Variants in TMEM131 observed in about 807,000 individuals in gnomAD.
TMEM131 encodes 2610524E03Rik.
TMEM131 carries 66 observed loss-of-function variants against 211.6 expected under a neutral mutation model. The observed-to-expected ratio is 0.31, with a 90% CI of 0.26 to 0.38. TMEM131 has a LOEUF of 0.38. TMEM131 is among the 10% of genes least tolerant of loss of function. TMEM131 has a pLI of 1.00. For synonymous variants in TMEM131, 844 were observed against 841.3 expected, an observed-to-expected ratio of 1.00 and a Z score of -0.06; for missense variants, 2,036 against 2,299.3, an observed-to-expected ratio of 0.89 and a Z score of 2.34.
chr2:97,867,600 T>C (rs1174128073), intron 4 of TMEM131, among the ~76,000 whole-genome samples: 1 of 152,084 alleles, frequency 6.6e-6, no homozygotes, highest in South Asian at 2.1e-4. Flanking sequence ...ATCCTACTAG[T>C]GAGGTGAGCA....
chr2:97,971,492 T>C (rs1679293092), intron 1 of TMEM131, among the ~76,000 whole-genome samples: 1 of 152,248 alleles, frequency 6.6e-6, no homozygotes, highest in African/African-American at 2.4e-5. Flanking sequence ...AAAGTTTCTA[T>C]ACGTTGCCAA....
At chr2:97,797,608 T>C in intron 25 of TMEM131, 92 bp from the exon 26 acceptor site, 1 of 1,135,518 alleles carries the variant, frequency 8.8e-7, no homozygotes, top group African/African-American at 1.6e-5. Context: ...CCAGTATAGT[T>C]TCTCAAACTG....
chr2:97,847,812 C>T (rs1683520836), intron 5 of TMEM131, among the ~76,000 whole-genome samples: 1 of 152,070 alleles, frequency 6.6e-6, no homozygotes, highest in East Asian at 1.9e-4. Flanking sequence ...AAGATGTTAA[C>T]ATCAGAAGAA....
chr2:97,827,206 G>A (rs1412544302), intron 11 of TMEM131: 40 of 704,854 alleles, frequency 5.7e-5, no homozygotes, highest in South Asian at 3.2e-4. Flanking sequence ...TTGGCGCGCC[G>A]CGGCCCGCAG....
chr2:97,822,416 C>G (rs949198762), intron 11 of TMEM131, among the ~76,000 whole-genome samples: 1 of 152,194 alleles, frequency 6.6e-6, no homozygotes, highest in Non-Finnish European at 1.5e-5. Flanking sequence ...CTCTTCCAAC[C>G]CTGGAGATCC....
chr2:97,781,607 T>C (rs745470353), intron 31 of TMEM131, among the ~76,000 whole-genome samples: 2 of 152,204 alleles, frequency 1.3e-5, no homozygotes, highest in Non-Finnish European at 2.9e-5. Context: ...ACAAAACACC[T>C]GGAGACTTAC....
chr2:97,881,726 G>T (rs961620999), intron 4 of TMEM131, among the ~76,000 whole-genome samples: 1 of 135,388 alleles, frequency 7.4e-6, no homozygotes, highest in African/African-American at 2.7e-5. Context: ...AAAAAAAAGG[G>T]GGGGGGGCGG....
chr2:97,959,558 CGT>C lies in TMEM131; in HGVS notation c.188-32073_188-32072del, dbSNP rs34560570. Among the ~76,000 whole-genome samples the C allele has an allele frequency of 4.5e-4, 68 of 150,006 alleles. 1 individual carries two copies. The highest frequency in any genetic ancestry group is 1.4e-3 in the African/African-American group (58 of 40,906). ...TGAGAAAAAAATATATATATGTCTG[CGT>C]GTGTGTGTGTGTGTGTATCTATATA... On this transcript the variant is annotated intron_variant, in intron 1 of 40. Transcript: ENST00000186436.
intron 5 of TMEM131, among the ~76,000 whole-genome samples, chr2:97,853,734 T>A (rs970355657): frequency 7.2e-5 from 11 of 151,892 alleles, no homozygotes; most frequent in African/African-American, 2.7e-4. Flanking sequence ...AAGACTTCAG[T>A]GGAGAAGTCA....
chr2:97,770,790 T>G (rs1679431828), intron 33 of TMEM131, among the ~76,000 whole-genome samples: 1 of 152,218 alleles, frequency 6.6e-6, no homozygotes, highest in African/African-American at 2.4e-5. Context: ...AAGATAATTC[T>G]TAGATGCACT....
At chr2:97,910,949 AT>A (rs1245350413) in intron 2 of TMEM131, among the ~76,000 whole-genome samples, 4 of 152,128 alleles carry the variant, frequency 2.6e-5, no homozygotes, top group Non-Finnish European at 5.9e-5. Flanking sequence ...AAACAAAAGC[AT>A]TTGTCCGTAC....
chr2:97,960,849 T>C (rs529038548), intron 1 of TMEM131, among the ~76,000 whole-genome samples: 3 of 152,224 alleles, frequency 2.0e-5, no homozygotes, highest in Non-Finnish European at 2.9e-5. Context: ...ACAGAGTTAA[T>C]ACCAGAAAAG....
At chr2:97,857,330 C>G (rs1559405153) in intron 5 of TMEM131, among the ~76,000 whole-genome samples, 8 of 152,170 alleles carry the variant, frequency 5.3e-5, no homozygotes. Flanking sequence ...AGGACACCCC[C>G]ACATCCCACT....
At chr2:97,912,722 C>T (rs1031952465) in intron 2 of TMEM131, among the ~76,000 whole-genome samples, 2 of 152,210 alleles carry the variant, frequency 1.3e-5, no homozygotes, top group South Asian at 2.1e-4. Context: ...TTTGGTCTTT[C>T]GGTACCTTCC....
chr2:97,792,394 T>G lies in TMEM131; in HGVS notation c.4136A>C (p.Lys1379Thr), dbSNP rs748727357. 1.5e-5 allele frequency: 24 copies of G among 1,570,218 alleles called. No individual in the cohort carries two copies. Among genetic ancestry groups the G allele is most frequent in the Non-Finnish European group, 2.1e-5 (24 of 1,156,216 alleles). ...CAGTGGGAGATGATTACCTTTGCTT[T>G]TTGGCAATGGCGATGGAGGCTGCTC... Reference protein sequence around the residue: ...FTEQPPSPLPKSKGKGKPLQR... With the variant: ...FTEQPPSPLPTSKGKGKPLQR... Residue 1379 changes from lysine to threonine, a missense_variant, in exon 31 of 41, where the codon AAA becomes ACA. Lys to Thr is a moderately conservative substitution (Grantham distance 78). Around this residue, in one of 3 missense-constraint regions of TMEM131, gnomAD observed 1,623 missense variants for 1,805.9 expected, o/e 0.90. Transcript: ENST00000186436.
intron 2 of TMEM131, 51 bp downstream of exon 2, chr2:97,927,375 C>T: frequency 1.5e-6 from 2 of 1,324,166 alleles, no homozygotes; most frequent in Middle Eastern, 1.9e-4. Context: ...AAATAATAAC[C>T]AGATATTATT....
chr2:97,953,364 A>T (rs1294966488), intron 1 of TMEM131, among the ~76,000 whole-genome samples: 1 of 152,234 alleles, frequency 6.6e-6, no homozygotes, highest in African/African-American at 2.4e-5. Flanking sequence ...TCATGCTAAC[A>T]TTATTTTTTA....
chr2:97,807,589 C>T (rs1389445943), intron 19 of TMEM131, among the ~76,000 whole-genome samples: 2 of 152,190 alleles, frequency 1.3e-5, no homozygotes, highest in African/African-American at 4.8e-5. Context: ...CCAAATACAC[C>T]TCTTTTTTAA....
intron 1 of TMEM131, among the ~76,000 whole-genome samples, chr2:97,940,968 T>A (rs1030986458): frequency 3.3e-5 from 5 of 152,010 alleles, no homozygotes; most frequent in African/African-American, 1.2e-4. Flanking sequence ...GATTGGAAAA[T>A]ACTACTTTAA....
Sources: allele counts gnomAD v4.1 joint callset (sites outside exome capture counted in the v4.1 genomes callset), GRCh38; gene constraint gnomAD v4.1.1; regional missense constraint gnomAD v4.1.1; transcripts MANE v1.5; gene names NCBI Gene and HGNC (gene_info 2026-07-23, HGNC 2026-07-21).